SWAP70: variants seen among roughly 807,000 people sequenced by gnomAD.
The protein encoded by SWAP70 is switch-associated protein 70.
A neutral mutation model predicts 80.2 loss-of-function variants in SWAP70; 34 were observed. The ratio of observed to expected loss-of-function variants is 0.42; its 90% CI spans 0.32 to 0.56. SWAP70 has a LOEUF of 0.56. Among genes scored for constraint, SWAP70 ranks in the 20% least tolerant of loss-of-function variants. The pLI, the probability that SWAP70 is intolerant of heterozygous loss-of-function variation, is 0.09. For synonymous variants in SWAP70, 239 were observed against 238.5 expected (o/e 1.00, Z -0.02); for missense variants, 578 against 690.7 (o/e 0.84, Z 1.83).
At chr11:9,711,734 G>A (rs1390684) in intron 2 of SWAP70, among the ~76,000 whole-genome samples, 49,590 of 151,978 alleles carry the variant, frequency 0.33, 8,335 homozygotes, top group Non-Finnish European at 0.35. Context: ...CTGGCTGCCT[G>A]CTCTACCTTG....
At chr11:9,686,344 C>CTTTATTTATTTAT (rs1554983886) in intron 1 of SWAP70, among the ~76,000 whole-genome samples, 1 of 143,830 alleles carries the variant, frequency 7.0e-6, no homozygotes, top group East Asian at 2.0e-4. Flanking sequence ...CTTTTATTTT[C>CTTTATTTATTTAT]TTATTTATTT....
intron 4 of SWAP70, among the ~76,000 whole-genome samples, chr11:9,725,567 A>ATTTTTTTTT (rs1158096816): frequency 5.8e-4 from 10 of 17,318 alleles, no homozygotes; most frequent in African/African-American, 2.3e-3. Context: ...ATATATATAT[A>ATTTTTTTTT]TATTTTTTTT....
intron 1 of SWAP70, among the ~76,000 whole-genome samples, chr11:9,678,309 T>C: frequency 6.6e-6 from 1 of 152,140 alleles, no homozygotes; most frequent in East Asian, 1.9e-4. Context: ...TCTTTGTAAA[T>C]ATTTTTTATG....
At chr11:9,703,246 T>G in intron 2 of SWAP70, 1 of 414,606 alleles carries the variant, frequency 2.4e-6, no homozygotes, top group Non-Finnish European at 4.9e-6. Flanking sequence ...CCACGTTGTA[T>G]CCTATAACAA....
intron 2 of SWAP70, among the ~76,000 whole-genome samples, chr11:9,702,136 T>A (rs1850840891): frequency 6.7e-6 from 1 of 149,900 alleles, no homozygotes; most frequent in East Asian, 2.0e-4. Context: ...TAGTCTAATA[T>A]TTATGCTTTT....
Position 9,732,645 on chromosome 11 carries a change from C to T in SWAP70, c.1015C>T (p.Arg339Ter), listed in dbSNP as rs1207143041. Residue 339 changes from arginine (R) to a stop codon, truncating the protein, a stop_gained, in exon 7 of 12, where the codon CGA (arginine) becomes TGA (stop). Transcript: ENST00000318950. LOFTEE classifies it high-confidence loss of function. ...GCTGGCTGAACAAGAGGAACTGGAGCGACAAATGAAGGAACTCCAGGCCGC... is the reference window on the plus strand; with the variant it reads ...GCTGGCTGAACAAGAGGAACTGGAGTGACAAATGAAGGAACTCCAGGCCGC... ...KQLAEQEELE[R>*]QMKELQAANE... 1 of 1,576,340 alleles carries T rather than the reference C, an allele frequency of 6.3e-7. No homozygotes were observed. The highest frequency in any genetic ancestry group is 8.6e-7 in the Non-Finnish European group (1 of 1,159,396).
At chr11:9,720,084 T>C (rs1016746089) in intron 3 of SWAP70, 2 of 985,336 alleles carry the variant, frequency 2.0e-6, no homozygotes, top group Non-Finnish European at 2.4e-6. Flanking sequence ...TGCAGGCCAC[T>C]AGAGACTAAA....
chr11:9,681,670 T>TTA (rs1426391529), intron 1 of SWAP70, among the ~76,000 whole-genome samples: 1 of 152,120 alleles, frequency 6.6e-6, no homozygotes, highest in East Asian at 1.9e-4. Flanking sequence ...CTTGTAGAGC[T>TTA]TAAAATCTTG....
At chr11:9,664,401 T>C (rs1850283544) in intron 1 of SWAP70, 123 bp downstream of exon 1, 9 of 1,073,610 alleles carry the variant, frequency 8.4e-6, no homozygotes, top group Middle Eastern at 3.0e-4. Flanking sequence ...ATGCGCCCGG[T>C]AGGCCCGCTT....
At chr11:9,695,857 C>T (rs774636824) in intron 2 of SWAP70, among the ~76,000 whole-genome samples, 2 of 151,932 alleles carry the variant, frequency 1.3e-5, no homozygotes, top group Non-Finnish European at 2.9e-5. Context: ...TTCAGTGGCA[C>T]GATCTCAGCT....
chr11:9,675,777 C>T (rs4635070), intron 1 of SWAP70, among the ~76,000 whole-genome samples: 99,513 of 151,662 alleles, frequency 0.66, 32,988 homozygotes, highest in South Asian at 0.83. Context: ...AATCTGTGCA[C>T]CTTCTACCGG....
At chr11:9,697,657 A>G (rs1850775450) in intron 2 of SWAP70, among the ~76,000 whole-genome samples, 1 of 152,202 alleles carries the variant, frequency 6.6e-6, no homozygotes. Context: ...TACAATGTTC[A>G]TCTGTGTGAT....
Position 9,678,386 on chromosome 11 carries a change from A to G in SWAP70, c.99+14108A>G, listed in dbSNP as rs371683057. 4.6e-5 allele frequency among the ~76,000 whole-genome samples: 7 copies of G among 152,080 alleles called. No homozygotes were observed. In the East Asian group the frequency reaches 9.6e-4, roughly 21 times the overall value. On this transcript the variant is annotated intron_variant, in intron 1 of 11. Transcript: ENST00000318950. ...TAAAGAGAAAATTACACATTTAGAT[A>G]TCTTAAAATAGGATAATGAATGTTG...
chr11:9,671,556 A>ATT (rs1850392632), intron 1 of SWAP70, among the ~76,000 whole-genome samples: 4 of 82,476 alleles, frequency 4.8e-5, no homozygotes, highest in Admixed American at 3.9e-4. Flanking sequence ...ATAGAAATAT[A>ATT]TATAAATATA....
chr11:9,746,661 C>T (rs1038982704), intron 9 of SWAP70, among the ~76,000 whole-genome samples: 3 of 152,200 alleles, frequency 2.0e-5, no homozygotes, highest in Non-Finnish European at 2.9e-5. Context: ...AACAAAGCTG[C>T]CTTCCAGTTG....
rs76678277 is a variant in SWAP70, at chr11:9,733,411, G to C, written c.1080+701G>C. On this transcript the variant is annotated intron_variant, in intron 7 of 11. Transcript: ENST00000318950. ...ACATCTGTGCAAAAACTTTGCTCTG[G>C]GATATGGGGGTGGCTCATAATCTGT... Among the ~76,000 whole-genome samples, 630 of 152,210 alleles carry C rather than the reference G, an allele frequency of 4.1e-3. 4 individuals carry two copies. Among genetic ancestry groups the C allele is most frequent in the African/African-American group, 0.014 (591 of 41,516 alleles).
chr11:9,683,121 TG>T (rs1850588281), intron 1 of SWAP70, among the ~76,000 whole-genome samples: 1 of 152,198 alleles, frequency 6.6e-6, no homozygotes, highest in African/African-American at 2.4e-5. Flanking sequence ...CTGTCTGGGC[TG>T]GGTACGCTGG....
At chr11:9,731,198 AG>A (rs1851293843) in intron 6 of SWAP70, among the ~76,000 whole-genome samples, 2 of 152,296 alleles carry the variant, frequency 1.3e-5, no homozygotes, top group Non-Finnish European at 1.5e-5. Context: ...GCAATACAAG[AG>A]GGCTTTTTAA....
intron 9 of SWAP70, among the ~76,000 whole-genome samples, chr11:9,744,031 C>T (rs1391575032): frequency 5.4e-5 from 8 of 149,338 alleles, no homozygotes; most frequent in African/African-American, 1.2e-4. Flanking sequence ...GGCGTGATCT[C>T]GGCTCACTGC....
Sources: gnomAD v4.1 joint callset for allele counts (sites outside exome capture counted in the v4.1 genomes callset) on GRCh38, gnomAD v4.1.1 for gene constraint, MANE v1.5 for transcripts, NCBI Gene and HGNC (gene_info 2026-07-23, HGNC 2026-07-21) for gene names.